Variants in IL1RAPL2 observed in about 807,000 individuals in gnomAD.
The protein encoded by IL1RAPL2 is interleukin 1 receptor accessory protein like 2.
In IL1RAPL2, 3 loss-of-function variants were observed where a neutral mutation model predicts 44.1. That is an observed-to-expected ratio of 0.07 (90% confidence interval 0.03 to 0.18). The LOEUF (loss-of-function observed/expected upper bound fraction) is 0.18. Ranked by LOEUF, IL1RAPL2 falls within the 10% of genes least tolerant of loss-of-function variation. The pLI is 1.00. For synonymous variants in IL1RAPL2, 181 were observed against 178.8 expected (o/e 1.01, Z -0.10); for missense variants, 391 against 496.4 (o/e 0.79, Z 2.02).
intron 1 of IL1RAPL2, among the ~76,000 whole-genome samples, chrX:104,576,617 A>G (rs752172247): frequency 8.9e-6 from 1 of 111,981 alleles, no homozygotes; most frequent in East Asian, 2.8e-4. Flanking sequence ...AAACCTCTGA[A>G]ACTTTTGCTT....
intron 5 of IL1RAPL2, among the ~76,000 whole-genome samples, chrX:105,463,985 C>A (rs1602423997): frequency 8.9e-6 from 1 of 112,067 alleles, no homozygotes; most frequent in African/African-American, 3.2e-5. Flanking sequence ...ATTTGACTAT[C>A]CACTCCTTGA....
chrX:104,933,311 T>C (rs1924952517), intron 2 of IL1RAPL2, among the ~76,000 whole-genome samples: 1 of 111,457 alleles, frequency 9.0e-6, no homozygotes, highest in South Asian at 3.8e-4. Flanking sequence ...AAAAATCTCA[T>C]CTTTCCCCCC....
intron 2 of IL1RAPL2, among the ~76,000 whole-genome samples, chrX:104,914,523 T>G (rs1251067398): frequency 1.8e-5 from 2 of 112,161 alleles, no homozygotes; most frequent in Admixed American, 9.5e-5. Context: ...TATTGTTAAT[T>G]GAGAAAAGCA....
chrX:104,674,264 A>T (rs761392905), intron 2 of IL1RAPL2, among the ~76,000 whole-genome samples: 1 of 111,662 alleles, frequency 9.0e-6, no homozygotes. Flanking sequence ...TTATTTTGAA[A>T]TACGTCCCAT....
At chrX:105,185,114 C>CT (rs1203239761) in intron 2 of IL1RAPL2, among the ~76,000 whole-genome samples, 1 of 111,420 alleles carries the variant, frequency 9.0e-6, no homozygotes, top group African/African-American at 3.3e-5. Flanking sequence ...GTAAGACAAG[C>CT]TTTTAGTCAC....
At chrX:104,697,994 G>A (rs1414859399) in intron 2 of IL1RAPL2, among the ~76,000 whole-genome samples, 1 of 112,198 alleles carries the variant, frequency 8.9e-6, no homozygotes, top group Admixed American at 9.5e-5. Context: ...AAGTTTAACT[G>A]GGGAATGATC....
chrX:105,559,765 G>T (rs999804099), intron 6 of IL1RAPL2, among the ~76,000 whole-genome samples: 23 of 111,468 alleles, frequency 2.1e-4, no homozygotes, highest in African/African-American at 6.9e-4. Context: ...ACCTTGTAAG[G>T]AGCCAAAACA....
At chrX:104,798,045 G>A (rs886985397) in intron 2 of IL1RAPL2, among the ~76,000 whole-genome samples, 1 of 111,679 alleles carries the variant, frequency 9.0e-6, no homozygotes, top group Non-Finnish European at 1.9e-5. Flanking sequence ...ACCCAAGGCC[G>A]CAGACCTAGT....
At chrX:104,796,188 T>C (rs1932848724) in intron 2 of IL1RAPL2, among the ~76,000 whole-genome samples, 1 of 112,588 alleles carries the variant, frequency 8.9e-6, no homozygotes, top group Non-Finnish European at 1.9e-5. Flanking sequence ...AGGGTGTAAC[T>C]ACATCTGCCC....
chrX:104,867,345 C>T (rs1174634346), intron 2 of IL1RAPL2, among the ~76,000 whole-genome samples: 1 of 110,521 alleles, frequency 9.0e-6, no homozygotes, highest in Non-Finnish European at 1.9e-5. Flanking sequence ...AGATACGATG[C>T]AAGCTATGTA....
intron 2 of IL1RAPL2, among the ~76,000 whole-genome samples, chrX:104,950,036 A>T (rs1415965181): frequency 9.0e-6 from 1 of 110,800 alleles, no homozygotes; most frequent in Non-Finnish European, 1.9e-5. Flanking sequence ...GTCTCCCTTT[A>T]TTAATGTGTG....
intron 2 of IL1RAPL2, among the ~76,000 whole-genome samples, chrX:105,004,048 G>A (rs1429685696): frequency 1.8e-5 from 2 of 111,272 alleles, no homozygotes; most frequent in Non-Finnish European, 3.8e-5. Context: ...TCACTCCTGA[G>A]ATTTCCTTTT....
intron 2 of IL1RAPL2, among the ~76,000 whole-genome samples, chrX:105,015,441 T>C (rs1215788587): frequency 4.5e-5 from 5 of 111,869 alleles, no homozygotes; most frequent in Non-Finnish European, 9.4e-5. Flanking sequence ...GTTTTTATGG[T>C]TTTAGGTCTT....
intron 2 of IL1RAPL2, among the ~76,000 whole-genome samples, chrX:104,780,527 T>C (rs1290221396): frequency 8.9e-6 from 1 of 112,128 alleles, no homozygotes; most frequent in Non-Finnish European, 1.9e-5. Context: ...TTCCAACAGG[T>C]CTCACTAGGC....
At chrX:105,144,888 T>C (rs2033165393) in intron 2 of IL1RAPL2, among the ~76,000 whole-genome samples, 1 of 110,753 alleles carries the variant, frequency 9.0e-6, no homozygotes, top group South Asian at 3.8e-4. Context: ...TCTTCACCAG[T>C]CCAAGGAGCT....
intron 10 of IL1RAPL2, among the ~76,000 whole-genome samples, chrX:105,763,816 G>T (rs1053848805): frequency 2.3e-4 from 25 of 110,338 alleles, no homozygotes; most frequent in Admixed American, 1.2e-3. Flanking sequence ...ATCATCCCAA[G>T]AAGTGAAATG....
intron 2 of IL1RAPL2, among the ~76,000 whole-genome samples, chrX:105,003,120 G>T (rs2030881899): frequency 9.0e-6 from 1 of 110,747 alleles, no homozygotes; most frequent in East Asian, 2.9e-4. Flanking sequence ...AACCACCCAG[G>T]ATATGCTTAT....
intron 2 of IL1RAPL2, among the ~76,000 whole-genome samples, chrX:105,094,376 A>G (rs1301071730): frequency 8.9e-6 from 1 of 112,070 alleles, no homozygotes; most frequent in Non-Finnish European, 1.9e-5. Flanking sequence ...TGTAAACTAC[A>G]TATCATACAT....
At chrX:105,327,114 A>G (rs1216331872) in intron 5 of IL1RAPL2, among the ~76,000 whole-genome samples, 7 of 112,017 alleles carry the variant, frequency 6.2e-5, no homozygotes, top group Admixed American at 2.9e-4. Context: ...AGCCAAAGTC[A>G]ACCAACAAAT....
Sources: allele counts gnomAD v4.1 joint callset (sites outside exome capture counted in the v4.1 genomes callset), GRCh38; gene constraint gnomAD v4.1.1; transcripts MANE v1.5; gene names NCBI Gene and HGNC (gene_info 2026-07-23, HGNC 2026-07-21).